PDE8A: variants seen among roughly 807,000 people sequenced by gnomAD.
PDE8A encodes the protein phosphodiesterase 8A.
Under a neutral mutation model 105.0 loss-of-function variants are expected in PDE8A, and 59 were observed. The observed-to-expected ratio is 0.56, with a 90% confidence interval of 0.46 to 0.70. The LOEUF (loss-of-function observed/expected upper bound fraction) is 0.70. Ranked by LOEUF, PDE8A falls within the 30% of genes least tolerant of loss-of-function variation. PDE8A has a pLI of 0.00. For missense variants in PDE8A, 1,014 were observed against 1,045.9 expected, an observed-to-expected ratio of 0.97 and a Z score of 0.42; for synonymous variants, 355 against 371.9, an observed-to-expected ratio of 0.95 and a Z score of 0.52.
chr15:85,108,128 T>A (rs1043686914), intron 11 of PDE8A, among the ~76,000 whole-genome samples: 1 of 152,188 alleles, frequency 6.6e-6, no homozygotes, highest in African/African-American at 2.4e-5. Flanking sequence ...CTTGACACAT[T>A]CACTCTTTAG....
chr15:85,077,874 A>C (rs779771266), intron 5 of PDE8A, among the ~76,000 whole-genome samples: 11 of 152,044 alleles, frequency 7.2e-5, no homozygotes, highest in Non-Finnish European at 5.9e-5. Context: ...TGAACAATTT[A>C]AAACTTAGTA....
intron 1 of PDE8A, among the ~76,000 whole-genome samples, chr15:84,994,950 G>A (rs186948213): frequency 1.3e-3 from 193 of 145,554 alleles, no homozygotes; most frequent in African/African-American, 4.7e-3. Flanking sequence ...CAACAAGGGC[G>A]AAACTCTGTC....
chr15:85,030,035 T>C (rs2080586610), intron 1 of PDE8A, among the ~76,000 whole-genome samples: 1 of 152,148 alleles, frequency 6.6e-6, no homozygotes. Flanking sequence ...CTTCCACTGC[T>C]GTCAAGGGAA....
intron 1 of PDE8A, among the ~76,000 whole-genome samples, chr15:85,048,766 T>A (rs2080925178): frequency 6.6e-6 from 1 of 152,208 alleles, no homozygotes; most frequent in South Asian, 2.1e-4. Context: ...GTATGATGAT[T>A]ATACAGACCA....
intron 1 of PDE8A, among the ~76,000 whole-genome samples, chr15:85,038,216 G>GTGT (rs1567242206): frequency 0.018 from 889 of 48,314 alleles, 10 homozygotes; most frequent in African/African-American, 0.084. Flanking sequence ...CCAATTGGGG[G>GTGT]GTGTGTGTGT....
chr15:85,091,633 AAAG>A (rs1449108303), intron 8 of PDE8A, among the ~76,000 whole-genome samples: 2 of 152,190 alleles, frequency 1.3e-5, no homozygotes, highest in African/African-American at 4.8e-5. Context: ...TCTGGTATGG[AAAG>A]AAGAGCAAAA....
intron 1 of PDE8A, among the ~76,000 whole-genome samples, chr15:85,029,939 C>T (rs943004629): frequency 1.1e-4 from 17 of 152,150 alleles, no homozygotes; most frequent in Admixed American, 5.2e-4. Context: ...CTCTCCCCAG[C>T]GGGCTTCCCC....
At chr15:85,049,293 A>G (rs1371229392) in intron 1 of PDE8A, among the ~76,000 whole-genome samples, 2 of 152,160 alleles carry the variant, frequency 1.3e-5, no homozygotes, top group African/African-American at 4.8e-5. Flanking sequence ...CTATCTCCAG[A>G]ACTCTTTTCA....
At chr15:84,994,274 G>A (rs1230694532) in intron 1 of PDE8A, among the ~76,000 whole-genome samples, 1 of 152,100 alleles carries the variant, frequency 6.6e-6, no homozygotes, top group African/African-American at 2.4e-5. Flanking sequence ...TCTCTTTGAG[G>A]ATATTAATTA....
intron 1 of PDE8A, among the ~76,000 whole-genome samples, chr15:84,992,334 T>C (rs1294188431): frequency 6.6e-6 from 1 of 151,912 alleles, no homozygotes; most frequent in Non-Finnish European, 1.5e-5. Flanking sequence ...AGGATGTGGA[T>C]AAGTGGAAAA....
chr15:85,003,886 C>A (rs924014501), intron 1 of PDE8A, among the ~76,000 whole-genome samples: 1 of 152,218 alleles, frequency 6.6e-6, no homozygotes, highest in African/African-American at 2.4e-5. Flanking sequence ...CTCCTTCTAT[C>A]TGTGGCTCTT....
intron 1 of PDE8A, among the ~76,000 whole-genome samples, chr15:85,028,409 C>A (rs1017083281): frequency 1.1e-4 from 16 of 151,974 alleles, no homozygotes. Context: ...GAGACAAGAT[C>A]TTGCTTTGTT....
chr15:85,130,972 G>T (rs540624407), intron 20 of PDE8A, among the ~76,000 whole-genome samples: 3 of 152,166 alleles, frequency 2.0e-5, no homozygotes, highest in East Asian at 3.9e-4. Flanking sequence ...GGTCAGGCTG[G>T]TCTCTAACTC....
intron 1 of PDE8A, among the ~76,000 whole-genome samples, chr15:85,011,853 A>G (rs1178531805): frequency 6.6e-6 from 1 of 152,236 alleles, no homozygotes; most frequent in East Asian, 1.9e-4. Context: ...TTTACAAGAA[A>G]AAAAACAAAC....
chr15:84,987,465 C>CTTTT (rs10656480), intron 1 of PDE8A, among the ~76,000 whole-genome samples: 10,321 of 92,146 alleles, frequency 0.11, 1,252 homozygotes, highest in African/African-American at 0.32. Flanking sequence ...GGATTGGTTC[C>CTTTT]TTTTTTTTTT....
intron 1 of PDE8A, among the ~76,000 whole-genome samples, chr15:85,046,355 T>C (rs528269479): frequency 1.3e-5 from 2 of 152,350 alleles, no homozygotes; most frequent in Non-Finnish European, 2.9e-5. Context: ...AGCCATTCTT[T>C]CTGTTTCTTA....
Position 85,016,508 on chromosome 15 carries a change from A to G in PDE8A, c.186+34160A>G, listed in dbSNP as rs544468110. On this transcript the variant is annotated intron_variant, in intron 1 of 21. Coordinates refer to ENST00000394553, the MANE Select transcript of PDE8A (RefSeq NM_002605.3). ...ATTTCTGGATTCTCTGTACTGTTCC[A>G]TTAGTCTCTCTTTAATTATGTGCCA... 3.9e-5 allele frequency among the ~76,000 whole-genome samples: 6 copies of G among 152,266 alleles called. No homozygotes were observed. In the East Asian group the frequency reaches 1.2e-3, roughly 29 times the overall value.
intron 2 of PDE8A, among the ~76,000 whole-genome samples, chr15:85,065,171 A>G (rs1177916070): frequency 4.6e-5 from 7 of 152,020 alleles, no homozygotes; most frequent in African/African-American, 1.7e-4. Context: ...CCAATATAAA[A>G]AGTAAAAAGA....
chr15:85,005,219 A>G (rs1321347898), intron 1 of PDE8A, among the ~76,000 whole-genome samples: 1 of 152,082 alleles, frequency 6.6e-6, no homozygotes, highest in African/African-American at 2.4e-5. Flanking sequence ...GGCTCAAATG[A>G]TCCTCTCACC....
Sources: allele counts gnomAD v4.1 joint callset (sites outside exome capture counted in the v4.1 genomes callset), GRCh38; gene constraint gnomAD v4.1.1; transcripts MANE v1.5; gene names NCBI Gene and HGNC (gene_info 2026-07-23, HGNC 2026-07-21).